FAAH2: variants seen among roughly 807,000 people sequenced by gnomAD.
FAAH2 encodes the protein fatty acid amide hydrolase 2.
A neutral mutation model predicts 36.9 loss-of-function variants in FAAH2; 60 were observed. That is an observed-to-expected ratio of 1.63 (90% CI 1.32 to 2.02). The LOEUF is 2.02. FAAH2 is among the 30% of genes most tolerant of loss of function. FAAH2 has a pLI of 0.00. For missense variants in FAAH2, 689 were observed against 397.5 expected (o/e 1.73, Z -6.23); for synonymous variants, 214 against 143.8 (o/e 1.49, Z -3.49).
At chrX:57,229,325 T>C in the FAAH2 span, 3 of 111,627 alleles carry the variant, frequency 2.7e-5, no homozygotes, top group African/African-American at 9.8e-5. Flanking sequence ...GTCATCACAA[T>C]GGACGGCATC....
chrX:57,486,417 A>G (rs2057475146), intron 10 of FAAH2, among the ~76,000 whole-genome samples: 1 of 111,617 alleles, frequency 9.0e-6, no homozygotes, highest in Non-Finnish European at 1.9e-5. Flanking sequence ...ATGACATTAC[A>G]TAAGGAAGCT....
At chrX:57,335,475 A>G (rs927040698) in intron 4 of FAAH2, among the ~76,000 whole-genome samples, 1 of 112,894 alleles carries the variant, frequency 8.9e-6, no homozygotes, top group African/African-American at 3.2e-5. Flanking sequence ...TTTGATGTGC[A>G]TATACATAAA....
the FAAH2 span, among the ~76,000 whole-genome samples, chrX:57,223,270 G>A: frequency 9.0e-6 from 1 of 111,441 alleles, no homozygotes; most frequent in Non-Finnish European, 1.9e-5. Context: ...AACCAAACAA[G>A]TAGCCCTCCA....
At chrX:57,161,619 C>T in the FAAH2 span, among the ~76,000 whole-genome samples, 1 of 111,481 alleles carries the variant, frequency 9.0e-6, no homozygotes, top group African/African-American at 3.3e-5. Flanking sequence ...ATGTAATGGC[C>T]TTCTTTGTCT....
At chrX:57,343,226 A>T (rs1348187660) in intron 5 of FAAH2, among the ~76,000 whole-genome samples, 1 of 112,090 alleles carries the variant, frequency 8.9e-6, no homozygotes, top group Non-Finnish European at 1.9e-5. Flanking sequence ...ACTAATTTAC[A>T]TTCTTACCAA....
At chrX:57,473,476 A>G (rs1405482275) in intron 10 of FAAH2, among the ~76,000 whole-genome samples, 1 of 111,470 alleles carries the variant, frequency 9.0e-6, no homozygotes, top group Non-Finnish European at 1.9e-5. Flanking sequence ...TGTTCCATGC[A>G]CAAGTGAGCA....
chrX:57,144,498 T>A, the FAAH2 span, among the ~76,000 whole-genome samples: 1 of 109,655 alleles, frequency 9.1e-6, no homozygotes, highest in African/African-American at 3.3e-5. Flanking sequence ...TAAGCACACT[T>A]CATTCTTTTT....
chrX:57,276,946 C>CA, the FAAH2 span, among the ~76,000 whole-genome samples: 1 of 110,977 alleles, frequency 9.0e-6, no homozygotes, highest in Non-Finnish European at 1.9e-5. Flanking sequence ...GTTTACCAAC[C>CA]AAAAAAAGTC....
At chrX:57,200,250 GT>G in the FAAH2 span, among the ~76,000 whole-genome samples, 7 of 107,157 alleles carry the variant, frequency 6.5e-5, no homozygotes, top group Non-Finnish European at 1.2e-4. Context: ...GTATCTGTAT[GT>G]TTTTGGTTTG....
At chrX:57,308,149 G>A (rs950855138) in intron 2 of FAAH2, among the ~76,000 whole-genome samples, 3 of 111,565 alleles carry the variant, frequency 2.7e-5, no homozygotes, top group Admixed American at 1.9e-4. Context: ...TTTCTTTTGG[G>A]TATATACCCA....
At chrX:57,323,489 G>A (rs1353952016) in intron 3 of FAAH2, among the ~76,000 whole-genome samples, 1 of 111,381 alleles carries the variant, frequency 9.0e-6, no homozygotes, top group African/African-American at 3.3e-5. Flanking sequence ...ATCCTCTCCA[G>A]CACCTGTTGT....
chrX:57,232,770 GC>G, the FAAH2 span, among the ~76,000 whole-genome samples: 2 of 112,101 alleles, frequency 1.8e-5, no homozygotes, highest in African/African-American at 3.2e-5. Flanking sequence ...TCATTGGCAT[GC>G]ATGTAGTCCG....
At chrX:57,177,577 A>AAT in the FAAH2 span, among the ~76,000 whole-genome samples, 801 of 34,734 alleles carry the variant, frequency 0.023, 12 homozygotes, top group Non-Finnish European at 0.027. Context: ...TCAAAATTTA[A>AAT]ATATATATAT....
intron 5 of FAAH2, among the ~76,000 whole-genome samples, chrX:57,355,944 T>G (rs2054147469): frequency 9.0e-6 from 1 of 111,368 alleles, no homozygotes; most frequent in Non-Finnish European, 1.9e-5. Flanking sequence ...TTTATTATGT[T>G]GAGGCAATTA....
chrX:57,421,579 A>G (rs946580637), intron 7 of FAAH2, among the ~76,000 whole-genome samples: 2 of 111,567 alleles, frequency 1.8e-5, no homozygotes, highest in African/African-American at 3.3e-5. Context: ...AAATACCTCT[A>G]TCTTCTTCTT....
At chrX:57,327,782 C>T (rs2053262742) in intron 3 of FAAH2, among the ~76,000 whole-genome samples, 1 of 111,466 alleles carries the variant, frequency 9.0e-6, no homozygotes, top group Admixed American at 9.6e-5. Flanking sequence ...GCCATGGGTT[C>T]AAACTTCCTC....
the FAAH2 span, among the ~76,000 whole-genome samples, chrX:57,270,772 C>A: frequency 9.0e-6 from 1 of 111,459 alleles, no homozygotes; most frequent in Non-Finnish European, 1.9e-5. Context: ...CCATGAGGGT[C>A]TAAGCCTGAG....
the FAAH2 span, among the ~76,000 whole-genome samples, chrX:57,254,970 C>G: frequency 4.5e-5 from 5 of 111,113 alleles, no homozygotes; most frequent in African/African-American, 1.6e-4. Context: ...TGAAAAAAAT[C>G]AATGAATCCA....
intron 10 of FAAH2, among the ~76,000 whole-genome samples, chrX:57,472,892 T>C (rs1023569677): frequency 9.0e-6 from 1 of 111,488 alleles, no homozygotes; most frequent in African/African-American, 3.2e-5. Flanking sequence ...TTTCTGATTG[T>C]GCTTATTTGA....
Sources: allele counts gnomAD v4.1 joint callset (sites outside exome capture counted in the v4.1 genomes callset), GRCh38; gene constraint gnomAD v4.1.1; transcripts MANE v1.5; gene names NCBI Gene and HGNC (gene_info 2026-07-23, HGNC 2026-07-21).